GRB14: variants seen among roughly 807,000 people sequenced by gnomAD.
The protein encoded by GRB14 is growth factor receptor bound protein 14, also known as growth factor receptor-bound protein 14.
A neutral mutation model predicts 69.1 loss-of-function variants in GRB14; 38 were observed. The observed-to-expected ratio is 0.55, with a 90% CI of 0.42 to 0.72. The LOEUF is 0.72. Among genes scored for constraint, GRB14 ranks in the 30% least tolerant of loss-of-function variants. GRB14 has a pLI of 0.00. For missense variants in GRB14, 666 were observed against 666.1 expected (o/e 1.00, Z 0.00); for synonymous variants, 247 against 241.3 (o/e 1.02, Z -0.22).
chr2:164,584,477 A>G (rs1255278339), intron 2 of GRB14, among the ~76,000 whole-genome samples: 1 of 152,094 alleles, frequency 6.6e-6, no homozygotes, highest in Admixed American at 6.5e-5. Context: ...TCCATTTATA[A>G]GAAGAAAAAA....
chr2:164,549,939 T>G (rs1247444506), intron 2 of GRB14, among the ~76,000 whole-genome samples: 1 of 139,624 alleles, frequency 7.2e-6, no homozygotes, highest in Non-Finnish European at 1.6e-5. Context: ...AAAATAAAAT[T>G]TCATATTCTA....
intron 1 of GRB14, 59 bp from the exon 2 acceptor site, chr2:164,619,878 T>C (rs1169180427): frequency 3.5e-6 from 5 of 1,443,278 alleles, no homozygotes; most frequent in Non-Finnish European, 4.8e-6. Context: ...ATATAATTGC[T>C]GTCAGGAATA....
intron 2 of GRB14, among the ~76,000 whole-genome samples, chr2:164,552,751 A>G (rs1489856759): frequency 1.3e-5 from 2 of 152,182 alleles, no homozygotes; most frequent in Non-Finnish European, 2.9e-5. Flanking sequence ...TCATGTTTGC[A>G]TCTTGGTAGG....
chr2:164,514,229 T>C (rs1399739712), intron 6 of GRB14, among the ~76,000 whole-genome samples: 1 of 152,208 alleles, frequency 6.6e-6, no homozygotes, highest in Non-Finnish European at 1.5e-5. Flanking sequence ...GCTCCCACTC[T>C]GCGGAACAGC....
intron 2 of GRB14, among the ~76,000 whole-genome samples, chr2:164,589,521 A>C (rs1410649202): frequency 1.3e-5 from 2 of 152,166 alleles, no homozygotes; most frequent in African/African-American, 4.8e-5. Flanking sequence ...GCATGTGCAC[A>C]GATCACATGG....
chr2:164,616,787 A>G (rs1455911759), intron 2 of GRB14, among the ~76,000 whole-genome samples: 1 of 152,236 alleles, frequency 6.6e-6, no homozygotes, highest in Non-Finnish European at 1.5e-5. Context: ...AATCACTAAA[A>G]TGACTGGAAT....
intron 2 of GRB14, chr2:164,568,442 G>A: frequency 8.9e-6 from 11 of 1,239,954 alleles, no homozygotes; most frequent in Admixed American, 2.7e-5. Flanking sequence ...ATCTTTTATG[G>A]TTACTCCTTG....
intron 2 of GRB14, among the ~76,000 whole-genome samples, chr2:164,571,438 T>C (rs980521761): frequency 3.9e-5 from 6 of 152,172 alleles, no homozygotes; most frequent in Non-Finnish European, 8.8e-5. Flanking sequence ...ACTAACATTA[T>C]AAGATGTTTT....
intron 2 of GRB14, among the ~76,000 whole-genome samples, chr2:164,609,965 G>A (rs1690128809): frequency 6.6e-6 from 1 of 152,158 alleles, no homozygotes; most frequent in South Asian, 2.1e-4. Context: ...TCTTATTTGT[G>A]ATGCTTTGAT....
At chr2:164,569,144 T>C (rs1244003593) in intron 2 of GRB14, among the ~76,000 whole-genome samples, 2 of 152,202 alleles carry the variant, frequency 1.3e-5, no homozygotes, top group African/African-American at 4.8e-5. Flanking sequence ...GTGTGTGATG[T>C]AGCATATTTC....
intron 3 of GRB14, chr2:164,540,023 C>T (rs754922296): frequency 3.3e-5 from 5 of 152,174 alleles, no homozygotes; most frequent in Non-Finnish European, 7.3e-5. Flanking sequence ...TTCTCTCACT[C>T]AGTGTAAATG....
At chr2:164,509,118 C>T (rs968966263) in intron 6 of GRB14, among the ~76,000 whole-genome samples, 1 of 152,004 alleles carries the variant, frequency 6.6e-6, no homozygotes, top group East Asian at 1.9e-4. Flanking sequence ...TTTAAACTTC[C>T]GATTCTCTTT....
rs571253524 is a variant in GRB14, at chr2:164,515,425, G to C, written c.816+6555C>G. 5.6e-4 allele frequency among the ~76,000 whole-genome samples: 85 copies of C among 152,234 alleles called. 1 individual carries two copies. Among genetic ancestry groups the C allele is most frequent in the Middle Eastern group, 3.4e-3 (1 of 294 alleles). ...ACTCTCCAGTACCAGCCCAGGGCCC[G>C]GGAGCTCCACTGGGTGGCTAGATCT... On this transcript the variant is annotated intron_variant, in intron 6 of 13. Coordinates refer to ENST00000263915, the MANE Select transcript of GRB14 (RefSeq NM_004490.3).
At chr2:164,582,477 A>G (rs2105339103) in intron 2 of GRB14, among the ~76,000 whole-genome samples, 1 of 149,596 alleles carries the variant, frequency 6.7e-6, no homozygotes, top group East Asian at 2.0e-4. Context: ...GCTGGAGTGC[A>G]GTAGTGCAAT....
intron 2 of GRB14, among the ~76,000 whole-genome samples, chr2:164,580,393 T>G (rs1056881256): frequency 1.4e-5 from 2 of 145,934 alleles, no homozygotes; most frequent in African/African-American, 5.0e-5. Flanking sequence ...ATGCCCAGCC[T>G]TATGATACAT....
intron 6 of GRB14, among the ~76,000 whole-genome samples, chr2:164,512,484 G>C (rs1384308015): frequency 3.9e-5 from 6 of 152,102 alleles, no homozygotes; most frequent in Admixed American, 3.9e-4. Context: ...AGGGTTTTTG[G>C]CTATAGTCCC....
intron 2 of GRB14, among the ~76,000 whole-genome samples, chr2:164,610,765 A>G (rs11901750): frequency 0.017 from 2,560 of 151,866 alleles, 60 homozygotes; most frequent in African/African-American, 0.059. Flanking sequence ...TAATTCACAT[A>G]GAGGGAAAAA....
intron 3 of GRB14, among the ~76,000 whole-genome samples, chr2:164,531,998 G>GAAGGACTA (rs1413479595): frequency 1.3e-4 from 20 of 152,158 alleles, no homozygotes; most frequent in Non-Finnish European, 5.9e-5. Context: ...AGGACTAAAG[G>GAAGGACTA]AAGACCATGA....
chr2:164,573,785 T>A, intron 2 of GRB14: 1 of 1,612,478 alleles, frequency 6.2e-7, no homozygotes, highest in African/African-American at 1.3e-5. Context: ...CATCCACCAG[T>A]GTATCAGCAT....
Sources: allele counts gnomAD v4.1 joint callset (sites outside exome capture counted in the v4.1 genomes callset), GRCh38; gene constraint gnomAD v4.1.1; transcripts MANE v1.5; gene names NCBI Gene and HGNC (gene_info 2026-07-23, HGNC 2026-07-21).